The following CHIC2 variants were observed in gnomAD, a reference collection of about 807,000 sequenced individuals.
The protein encoded by CHIC2 is cysteine rich hydrophobic domain 2.
A neutral mutation model predicts 25.9 loss-of-function variants in CHIC2; 14 were observed. The ratio of observed to expected loss-of-function variants is 0.54; its 90% CI spans 0.36 to 0.85. The LOEUF (loss-of-function observed/expected upper bound fraction) is 0.85, where lower values mean the gene tolerates loss of function less well. Among genes scored for constraint, CHIC2 ranks in the 40% least tolerant of loss-of-function variants. The pLI is 0.01. For synonymous variants in CHIC2, 70 were observed against 72.0 expected (o/e 0.97, Z 0.14); for missense variants, 146 against 202.0 (o/e 0.72, Z 1.68).
chr4:54,074,143 G>A, the CHIC2 span, among the ~76,000 whole-genome samples: 1 of 151,896 alleles, frequency 6.6e-6, no homozygotes, highest in Admixed American at 6.6e-5. Flanking sequence ...GGGTGACAGT[G>A]AGAGATTCCA....
At chr4:54,069,309 A>G (rs1365908069), upstream of CHIC2, among the ~76,000 whole-genome samples, 1 of 152,224 alleles carries the variant, frequency 6.6e-6, no homozygotes, top group African/African-American at 2.4e-5. Flanking sequence ...GATTATAGGC[A>G]TGAGCCACCA....
chr4:54,041,830 G>C (rs1716587436), intron 3 of CHIC2, among the ~76,000 whole-genome samples: 1 of 151,878 alleles, frequency 6.6e-6, no homozygotes, highest in Non-Finnish European at 1.5e-5. Context: ...CCCTGCTCTA[G>C]AGGGGAACAT....
Position 54,064,331 on chromosome 4 carries a change from G to T in CHIC2, c.-31C>A, listed in dbSNP as rs760432018. The T allele has an allele frequency of 1.2e-6, 2 of 1,612,056 alleles. No homozygotes were observed. Among genetic ancestry groups the T allele is most frequent in the African/African-American group, 1.3e-5 (1 of 74,896 alleles). On this transcript the variant is annotated 5_prime_UTR_variant, in exon 1 of 6. Transcript: ENST00000263921. The surrounding 1 kb of genome is among the most constrained non-coding windows in gnomAD (Gnocchi z 4.2). Reference sequence around the variant, plus strand: ...GCCTCCGAGCTCCCCTGCCCAAAGGGCCTGACTCCCGGGGTTGGCGCCGGG... The same window carrying T: ...GCCTCCGAGCTCCCCTGCCCAAAGGTCCTGACTCCCGGGGTTGGCGCCGGG...
At chr4:54,067,057 T>C (rs972681300), upstream of CHIC2, among the ~76,000 whole-genome samples, 17 of 152,212 alleles carry the variant, frequency 1.1e-4, no homozygotes, top group Non-Finnish European at 2.4e-4. Context: ...GCTTAATAAA[T>C]GTTATCTGAA....
In CHIC2 at chr4:54,064,486, C is replaced by T; in HGVS notation, c.-186G>A. ...ATGGGGTCTGGACCGTCGCCGCCAC[C>T]GCCGCCGCCATTACCATCAGCAATA... On this transcript the variant is annotated 5_prime_UTR_variant, in exon 1 of 6. Coordinates refer to ENST00000263921, the MANE Select transcript of CHIC2 (RefSeq NM_012110.4). This position sits in a 1 kb window ranked among gnomAD's most constrained non-coding sequence, Gnocchi z 4.2. The T allele has an allele frequency of 1.9e-5, 28 of 1,441,934 alleles. No homozygotes were observed. Among genetic ancestry groups the T allele is most frequent in the Non-Finnish European group, 2.4e-5 (27 of 1,105,852 alleles). The allele number at this position is 1,441,934 out of a possible 1,614,324, so 89.3% of individuals were successfully genotyped here.
At chr4:54,039,574 G>A (rs543807382) in intron 3 of CHIC2, among the ~76,000 whole-genome samples, 1 of 152,286 alleles carries the variant, frequency 6.6e-6, no homozygotes, top group African/African-American at 2.4e-5. Context: ...ATCAAGTCCT[G>A]CAAGGATGCT....
chr4:54,088,328 A>G, the CHIC2 span, among the ~76,000 whole-genome samples: 1 of 152,170 alleles, frequency 6.6e-6, no homozygotes, highest in East Asian at 1.9e-4. Context: ...AGTCTAATGC[A>G]TGTTGTAACG....
chr4:54,077,381 C>T, the CHIC2 span, among the ~76,000 whole-genome samples: 12 of 152,190 alleles, frequency 7.9e-5, no homozygotes, highest in Non-Finnish European at 1.6e-4. Context: ...TTTTCTCTTC[C>T]AGTCTTTCTC....
the CHIC2 span, among the ~76,000 whole-genome samples, chr4:54,079,316 C>CA: frequency 6.6e-6 from 1 of 151,874 alleles, no homozygotes; most frequent in Non-Finnish European, 1.5e-5. Flanking sequence ...ACTCCTAGAA[C>CA]AAAAAATAGG....
At chr4:54,088,544 G>A in the CHIC2 span, among the ~76,000 whole-genome samples, 1 of 152,202 alleles carries the variant, frequency 6.6e-6, no homozygotes, top group South Asian at 2.1e-4. Flanking sequence ...TCTCAACAGA[G>A]GGGAAGGCTA....
intron 3 of CHIC2, among the ~76,000 whole-genome samples, chr4:54,031,586 A>G (rs562927944): frequency 1.3e-5 from 2 of 149,222 alleles, no homozygotes; most frequent in South Asian, 2.1e-4. Flanking sequence ...GCAAAATACT[A>G]TATTAAGTAG....
In CHIC2 at chr4:54,049,268, A is replaced by G; in HGVS notation, c.157T>C (p.Ser53Pro). Residue 53 changes from serine to proline, a missense_variant, in exon 2 of 6, where the codon TCT becomes CCT. By Grantham distance (74) the Ser-to-Pro change is moderately conservative. Coordinates refer to ENST00000263921, the MANE Select transcript of CHIC2 (RefSeq NM_012110.4). ...LSNKFESEFP[S>P]SLTGKVAPEE... is the part of the protein sequence containing the mutation. ...ACACTCACTTTTCCAGTTAATGAAG[A>G]AGGGAATTCAGATTCAAATTTGTTG... 1 of 1,603,688 alleles carries G rather than the reference A, an allele frequency of 6.2e-7. No individual in the cohort carries two copies. The highest frequency in any genetic ancestry group is 8.5e-7 in the Non-Finnish European group (1 of 1,173,072).
At chr4:54,064,755 G>A (rs1577992424), upstream of CHIC2, 1 of 602,244 alleles carries the variant, frequency 1.7e-6, no homozygotes, top group Non-Finnish European at 2.1e-6. This position sits in a 1 kb window ranked among gnomAD's most constrained non-coding sequence, Gnocchi z 4.2. Flanking sequence ...GCGGCCTCGC[G>A]CGCTCCCAGG....
intron 3 of CHIC2, among the ~76,000 whole-genome samples, chr4:54,034,447 T>C (rs995665526): frequency 1.3e-5 from 2 of 152,068 alleles, no homozygotes; most frequent in Admixed American, 1.3e-4. Context: ...AGAACCAATA[T>C]TTTCCCCCAC....
chr4:54,056,001 T>G (rs1289357831), intron 1 of CHIC2, among the ~76,000 whole-genome samples: 1 of 152,208 alleles, frequency 6.6e-6, no homozygotes, highest in South Asian at 2.1e-4. Flanking sequence ...TCTGGTTTTA[T>G]GAAAGTTTAA....
chr4:54,011,140 A>C (rs1007732786), intron 5 of CHIC2, among the ~76,000 whole-genome samples: 1 of 152,084 alleles, frequency 6.6e-6, no homozygotes, highest in African/African-American at 2.4e-5. Flanking sequence ...TCTTTTTCAG[A>C]AACTGTGTCT....
chr4:54,084,959 C>CAA, the CHIC2 span, among the ~76,000 whole-genome samples: 479 of 58,596 alleles, frequency 8.2e-3, 17 homozygotes, highest in African/African-American at 0.028. Flanking sequence ...TGCTCTGTCT[C>CAA]AAAAAAAAAA....
chr4:54,016,125 G>T (rs971329444), intron 3 of CHIC2, among the ~76,000 whole-genome samples: 1 of 152,162 alleles, frequency 6.6e-6, no homozygotes, highest in Middle Eastern at 3.4e-3. Flanking sequence ...GGGGGTGGGT[G>T]GATGATGAAA....
At chr4:54,017,754 C>G (rs1356767186) in intron 3 of CHIC2, among the ~76,000 whole-genome samples, 3 of 152,126 alleles carry the variant, frequency 2.0e-5, no homozygotes, top group African/African-American at 7.2e-5. Flanking sequence ...TGGAAGTAGA[C>G]AGCTCCAAGC....
Sources: gnomAD v4.1 joint callset for allele counts (sites outside exome capture counted in the v4.1 genomes callset) on GRCh38, gnomAD v4.1.1 for gene constraint, Gnocchi (gnomAD v3.1) non-coding constraint, MANE v1.5 for transcripts, NCBI Gene and HGNC (gene_info 2026-07-23, HGNC 2026-07-21) for gene names.